DNM3: variants seen among roughly 807,000 people sequenced by gnomAD.
The protein encoded by DNM3 is dynamin 3.
A neutral mutation model predicts 101.6 loss-of-function variants in DNM3; 47 were observed. The observed-to-expected ratio is 0.46, with a 90% confidence interval of 0.37 to 0.59. The LOEUF is 0.59. Ranked by LOEUF, DNM3 falls within the 20% of genes least tolerant of loss-of-function variation. The pLI is 0.00. For synonymous variants in DNM3, 385 were observed against 387.9 expected (o/e 0.99, Z 0.09); for missense variants, 849 against 1,085.7 (o/e 0.78, Z 3.06).
intron 4 of DNM3, among the ~76,000 whole-genome samples, chr1:172,009,122 AAT>A (rs59549770): frequency 0.015 from 2,110 of 138,004 alleles, 65 homozygotes; most frequent in African/African-American, 0.053. Context: ...TATATCATAT[AAT>A]ATATATATTT....
chr1:172,031,528 C>G (rs2048610097), intron 4 of DNM3, among the ~76,000 whole-genome samples: 1 of 152,142 alleles, frequency 6.6e-6, no homozygotes, highest in African/African-American at 2.4e-5. Flanking sequence ...TGTAACAGAT[C>G]TACACATTCT....
At chr1:172,380,106 A>C (rs7519429) in intron 18 of DNM3, among the ~76,000 whole-genome samples, 45,133 of 151,822 alleles carry the variant, frequency 0.3, 8,405 homozygotes, top group East Asian at 0.54. Flanking sequence ...TTTAGGAGAA[A>C]TCTGGGTTCT....
At chr1:172,320,715 G>A (rs577816522) in intron 16 of DNM3, among the ~76,000 whole-genome samples, 59 of 152,248 alleles carry the variant, frequency 3.9e-4, no homozygotes, top group African/African-American at 1.4e-3. Flanking sequence ...GGCTAAGCAA[G>A]CCGAGTTATT....
intron 18 of DNM3, among the ~76,000 whole-genome samples, chr1:172,386,516 TGTAA>T (rs1455685648): frequency 6.6e-6 from 1 of 152,246 alleles, no homozygotes; most frequent in African/African-American, 2.4e-5. Context: ...TAACTTCTAT[TGTAA>T]ACTTCTGGAA....
intron 10 of DNM3, among the ~76,000 whole-genome samples, chr1:172,057,407 T>G (rs1457148313): frequency 1.3e-5 from 2 of 151,812 alleles, no homozygotes; most frequent in Non-Finnish European, 2.9e-5. Context: ...TTCACCAAAG[T>G]TGAAATGAAG....
chr1:172,285,943 TG>T (rs2063680811), intron 15 of DNM3, among the ~76,000 whole-genome samples: 1 of 152,130 alleles, frequency 6.6e-6, no homozygotes, highest in Non-Finnish European at 1.5e-5. Flanking sequence ...ACTGTCCATA[TG>T]ATTTCACGAT....
intron 11 of DNM3, among the ~76,000 whole-genome samples, chr1:172,071,105 A>ATATATATATATCT (rs1379891528): frequency 7.4e-6 from 1 of 135,528 alleles, no homozygotes. Context: ...ATATATATAT[A>ATATATATATATCT]TATATATATA....
chr1:172,312,880 T>C (rs2065141784), intron 16 of DNM3, among the ~76,000 whole-genome samples: 1 of 152,188 alleles, frequency 6.6e-6, no homozygotes, highest in Admixed American at 6.5e-5. Flanking sequence ...TCTAATTACT[T>C]TTATTCTCTT....
intron 4 of DNM3, among the ~76,000 whole-genome samples, chr1:172,010,219 T>C (rs2047017862): frequency 6.6e-6 from 1 of 151,974 alleles, no homozygotes; most frequent in African/African-American, 2.4e-5. Flanking sequence ...ATTTTTGCTT[T>C]AGGTTATCTT....
At chr1:172,348,721 A>T (rs916270542) in intron 17 of DNM3, among the ~76,000 whole-genome samples, 2 of 152,210 alleles carry the variant, frequency 1.3e-5, no homozygotes, top group Non-Finnish European at 2.9e-5. Context: ...AGACAAGGGA[A>T]TTAGCATTTG....
At chr1:172,025,425 A>T (rs1236328752) in intron 4 of DNM3, among the ~76,000 whole-genome samples, 1 of 152,194 alleles carries the variant, frequency 6.6e-6, no homozygotes, top group African/African-American at 2.4e-5. Context: ...AGAGCAGTGG[A>T]TCTCTTAGCA....
chr1:172,232,115 A>G (rs1413158179), intron 14 of DNM3, among the ~76,000 whole-genome samples: 1 of 152,206 alleles, frequency 6.6e-6, no homozygotes, highest in Non-Finnish European at 1.5e-5. Flanking sequence ...AAGAGTCAAG[A>G]CCCATCAGTG....
At chr1:171,858,709 T>C (rs2033865612) in intron 1 of DNM3, among the ~76,000 whole-genome samples, 1 of 152,136 alleles carries the variant, frequency 6.6e-6, no homozygotes, top group South Asian at 2.1e-4. Flanking sequence ...ATGGGAGCTA[T>C]TAATCACCAC....
intron 1 of DNM3, among the ~76,000 whole-genome samples, chr1:171,880,962 A>G (rs116627888): frequency 0.011 from 1,672 of 152,062 alleles, 34 homozygotes; most frequent in African/African-American, 0.039. Flanking sequence ...GGTACATGTG[A>G]TAGACTTTAA....
rs1319597266 is a variant in DNM3, at chr1:172,363,433, G to A, written c.1894-15585G>A. ...TCAGTCTTCAAGACTGGACATCTGA[G>A]CATATTATTTTACTCTTAATAGATT... On this transcript the variant is annotated intron_variant, in intron 17 of 20. Coordinates refer to ENST00000627582, the MANE Select transcript of DNM3 (RefSeq NM_015569.5). Among the ~76,000 whole-genome samples, 4 of 151,848 alleles carry A rather than the reference G, an allele frequency of 2.6e-5. No individual in the cohort carries two copies. The East Asian group carries it at 5.8e-4, about 22-fold the overall frequency.
At chr1:171,934,672 G>A (rs950184588) in intron 2 of DNM3, among the ~76,000 whole-genome samples, 1 of 152,174 alleles carries the variant, frequency 6.6e-6, no homozygotes, top group African/African-American at 2.4e-5. Context: ...TAGACCTGGG[G>A]ATGTGGTGGC....
intron 1 of DNM3, among the ~76,000 whole-genome samples, chr1:171,872,936 A>G (rs994197065): frequency 2.6e-5 from 4 of 152,202 alleles, no homozygotes; most frequent in Non-Finnish European, 5.9e-5. Context: ...AGTATTACAG[A>G]AATTGTTATT....
At chr1:172,062,175 G>C (rs1184533488) in intron 10 of DNM3, among the ~76,000 whole-genome samples, 2 of 152,098 alleles carry the variant, frequency 1.3e-5, no homozygotes, top group African/African-American at 4.8e-5. Context: ...TTTCTGTTGT[G>C]AAGTTTTTTT....
intron 2 of DNM3, among the ~76,000 whole-genome samples, chr1:171,934,261 T>TA (rs1426284728): frequency 6.6e-6 from 1 of 152,224 alleles, no homozygotes; most frequent in Non-Finnish European, 1.5e-5. Context: ...GATGATCACT[T>TA]AAAAAACTCT....
Sources: allele counts gnomAD v4.1 joint callset (sites outside exome capture counted in the v4.1 genomes callset), GRCh38; gene constraint gnomAD v4.1.1; transcripts MANE v1.5; gene names NCBI Gene and HGNC (gene_info 2026-07-23, HGNC 2026-07-21).